APOL6: variants seen among roughly 807,000 people sequenced by gnomAD.
APOL6 encodes the protein apolipoprotein L, 6.
APOL6 carries 1 observed loss-of-function variant against 2.4 expected under a neutral mutation model. That is an observed-to-expected ratio of 0.41 (90% CI 0.15 to 1.94). The LOEUF is 1.94. APOL6 is among the 30% of genes most tolerant of loss of function. The probability of loss-of-function intolerance (pLI) is 0.30; values close to 1 mark genes in which losing one functional copy is unlikely to be tolerated. For missense variants in APOL6, 438 were observed against 429.2 expected (o/e 1.02, Z -0.18); for synonymous variants, 189 against 169.3 (o/e 1.12, Z -0.90).
intron 1 of APOL6, among the ~76,000 whole-genome samples, chr22:35,654,401 G>A (rs989435220): frequency 1.3e-5 from 2 of 151,904 alleles, no homozygotes; most frequent in South Asian, 2.1e-4. Context: ...ACATAAACTC[G>A]GGTGTGGCTA....
chr22:35,652,332 T>G (rs187065790), intron 1 of APOL6, among the ~76,000 whole-genome samples: 8,582 of 151,820 alleles, frequency 0.057, 833 homozygotes, highest in African/African-American at 0.2. Context: ...AAAAATTTTC[T>G]CCCATTCTGT....
chr22:35,659,561 T>G lies in APOL6; in HGVS notation c.997T>G (p.Cys333Gly), dbSNP rs756351017. The change falls in exon 3 of 3, where the codon TGT becomes GGT. Residue 333 changes from cysteine to glycine, a missense_variant. By Grantham distance (159) the Cys-to-Gly change is radical (BLOSUM62 -3). Transcript: ENST00000409652. ...HVWMWLWLCV[C>G]LCVCVYVQFT ...GTGGATGTGGCTGTGGCTGTGTGTG[T>G]GTCTGTGTGTCTGTGTGTATGTACA... 9.6e-5 allele frequency: 155 copies of G among 1,612,492 alleles called. No individual in the cohort carries two copies. The highest frequency in any genetic ancestry group is 1.3e-4 in the Non-Finnish European group (151 of 1,179,210).
intron 1 of APOL6, among the ~76,000 whole-genome samples, chr22:35,651,534 C>T (rs566709833): frequency 6.6e-6 from 1 of 152,266 alleles, no homozygotes; most frequent in Non-Finnish European, 1.5e-5. Context: ...ACTCCTAATG[C>T]TATCCCTCCC....
chr22:35,652,672 GT>G, intron 1 of APOL6, among the ~76,000 whole-genome samples: 1 of 152,108 alleles, frequency 6.6e-6, no homozygotes. Flanking sequence ...CCCATTTCTT[GT>G]TTTTGTCAGG....
rs1250097200 is a variant in APOL6, at chr22:35,656,406, A to G, written c.-20A>G. 6.2e-7 allele frequency: 1 copy of G among 1,614,084 alleles called. No homozygotes were observed. Among genetic ancestry groups the G allele is most frequent in the Non-Finnish European group, 8.5e-7 (1 of 1,179,956 alleles). Reference sequence around the variant, plus strand: ...AATCATTTGACTCCTGGGGACACAGATTTGCTGCCACAGAGGCTGATGGAC... The same window carrying G: ...AATCATTTGACTCCTGGGGACACAGGTTTGCTGCCACAGAGGCTGATGGAC... On this transcript the variant is annotated 5_prime_UTR_variant, in exon 2 of 3. Transcript: ENST00000409652.
chr22:35,654,390 A>G (rs1457577492), intron 1 of APOL6, among the ~76,000 whole-genome samples: 1 of 152,098 alleles, frequency 6.6e-6, no homozygotes, highest in Non-Finnish European at 1.5e-5. Flanking sequence ...TCACCTCATT[A>G]ACATAAACTC....
rs1925019171 is a variant in APOL6 at position 35,661,303 on chromosome 22, AGCCAAGATCAT to A, written c.*1712_*1722del. ...AACCCAGGCTGTAAAGGTTGCAGTG[AGCCAAGATCAT>A]GCCACTGCACTCCAGTCTGGGTGTC... On this transcript the variant is annotated 3_prime_UTR_variant, in exon 3 of 3. Coordinates refer to ENST00000409652, the MANE Select transcript of APOL6 (RefSeq NM_030641.4). 6.8e-6 allele frequency: 1 copy of A among 146,342 alleles called. No individual in the cohort carries two copies. Among genetic ancestry groups the A allele is most frequent in the South Asian group, 2.2e-4 (1 of 4,510 alleles). 9.1% of individuals were successfully genotyped at this position (146,342 alleles called of 1,614,324 possible). A position where few individuals can be genotyped will look rare whatever the true frequency, so the allele number is the denominator to read the frequency against.
At chr22:35,651,511 A>C (rs1924693601) in intron 1 of APOL6, among the ~76,000 whole-genome samples, 1 of 152,130 alleles carries the variant, frequency 6.6e-6, no homozygotes, top group Admixed American at 6.5e-5. Flanking sequence ...CTCATCATTT[A>C]ACATTAGGTA....
rs2145963524 is a variant in APOL6, at chr22:35,666,077, C to T, written c.*6481C>T. On this transcript the variant is annotated 3_prime_UTR_variant, in exon 3 of 3. Coordinates refer to ENST00000409652, the MANE Select transcript of APOL6 (RefSeq NM_030641.4). ...ATAAATATGTTATTGGTGTATGTTC[C>T]AAAATTATGTGAAACTCCTATAATT... is the stretch of plus-strand genomic sequence containing the variant. 6.6e-6 allele frequency: 1 copy of T among 152,090 alleles called. No individual in the cohort carries two copies. The highest frequency in any genetic ancestry group is 6.5e-5 in the Admixed American group (1 of 15,272). 9.4% of individuals were successfully genotyped at this position (152,090 alleles called of 1,614,324 possible).
intron 1 of APOL6, among the ~76,000 whole-genome samples, chr22:35,651,541 T>G (rs1351122441): frequency 6.6e-6 from 1 of 151,944 alleles, no homozygotes; most frequent in Admixed American, 6.6e-5. Flanking sequence ...ATGCTATCCC[T>G]CCCCACTCCC....
chr22:35,659,352 C>A lies in APOL6; in HGVS notation c.788C>A (p.Ala263Glu), dbSNP rs1924951694. The A allele has an allele frequency of 3.7e-6, 6 of 1,613,924 alleles. No individual in the cohort carries two copies. Among genetic ancestry groups the A allele is most frequent in the Non-Finnish European group, 5.1e-6 (6 of 1,179,942 alleles). ...SKEWKHLKEG[A>E]RTKFAEELRA... is the part of the protein sequence containing the mutation. The stretch of plus-strand genomic sequence containing the variant: ...GAATGGAAGCACCTGAAGGAAGGAG[C>A]AAGGACAAAGTTTGCGGAAGAGTTG... The change falls in exon 3 of 3, where the codon GCA (alanine) becomes GAA (glutamate). Residue 263 changes from alanine to glutamate, a missense_variant. Ala to Glu is a moderately radical substitution (Grantham distance 107). Coordinates refer to ENST00000409652, the MANE Select transcript of APOL6 (RefSeq NM_030641.4).
intron 1 of APOL6, among the ~76,000 whole-genome samples, chr22:35,652,169 T>C (rs1157086384): frequency 2.0e-5 from 3 of 152,244 alleles, no homozygotes; most frequent in Non-Finnish European, 4.4e-5. Flanking sequence ...CATTTTTTCA[T>C]GTGTCTTTTG....
chr22:35,650,086 C>T (rs1924648909), intron 1 of APOL6, among the ~76,000 whole-genome samples: 1 of 152,166 alleles, frequency 6.6e-6, no homozygotes, highest in Non-Finnish European at 1.5e-5. Flanking sequence ...TCTCAGTTTG[C>T]ACCTCTGTAA....
rs1381086110 is a variant in APOL6, at chr22:35,664,570, A to G, written c.*4974A>G. On this transcript the variant is annotated 3_prime_UTR_variant, in exon 3 of 3. Coordinates refer to ENST00000409652, the MANE Select transcript of APOL6 (RefSeq NM_030641.4). ...TCACTGTCTCAGTTGTAATTTTGCA[A>G]TGGAAGTTTCATAACTTTAAATCAT... 4 of 152,224 alleles carry G rather than the reference A, an allele frequency of 2.6e-5. No individual in the cohort carries two copies. In the East Asian group the frequency reaches 5.8e-4, roughly 22 times the overall value. The allele number at this position is 152,224 out of a possible 1,614,324, so 9.4% of individuals were successfully genotyped here. A position where few individuals can be genotyped will look rare whatever the true frequency, so the allele number is the denominator to read the frequency against.
chr22:35,656,053 G>A (rs1924835409), intron 1 of APOL6, among the ~76,000 whole-genome samples: 1 of 151,998 alleles, frequency 6.6e-6, no homozygotes, highest in African/African-American at 2.4e-5. Context: ...ATAGAGGGAG[G>A]GTGGAGAACT....
Position 35,664,952 on chromosome 22 carries a change from GA to G in APOL6, c.*5359del, listed in dbSNP as rs1323239085. The G allele has an allele frequency of 6.6e-6, 1 of 151,714 alleles. No homozygotes were observed. Among genetic ancestry groups the G allele is most frequent in the Non-Finnish European group, 1.5e-5 (1 of 67,904 alleles). The allele number at this position is 151,714 out of a possible 1,614,324, so 9.4% of individuals were successfully genotyped here. Reference sequence around the variant, plus strand: ...TTTTCAAGGTTAAAAAGCTGAAAAAGAAATAATTTTATATAAGAAAGAATTT... The same window carrying G: ...TTTTCAAGGTTAAAAAGCTGAAAAAGAATAATTTTATATAAGAAAGAATTT... On this transcript the variant is annotated 3_prime_UTR_variant, in exon 3 of 3. Transcript: ENST00000409652.
In APOL6 at chr22:35,667,128, ATT is replaced by A. The variant is rs1411008317; in HGVS notation, c.*7535_*7536del. 1.3e-5 allele frequency: 2 copies of A among 152,200 alleles called. No homozygotes were observed. Among genetic ancestry groups the A allele is most frequent in the Admixed American group, 1.3e-4 (2 of 15,280 alleles). 9.4% of individuals were successfully genotyped at this position (152,200 alleles called of 1,614,324 possible). On this transcript the variant is annotated 3_prime_UTR_variant, in exon 3 of 3. Transcript: ENST00000409652. Reference sequence around the variant, plus strand: ...AAGTCCTTGGAAAAACTGGCCCCATATTTTGTGTACACAGTCTCCGTACAAGA... The same window carrying A: ...AAGTCCTTGGAAAAACTGGCCCCATATTGTGTACACAGTCTCCGTACAAGA...
chr22:35,656,435 C>G lies in APOL6; in HGVS notation c.10C>G (p.Gln4Glu). The G allele has an allele frequency of 1.2e-6, 2 of 1,614,080 alleles. No homozygotes were observed. Among genetic ancestry groups the G allele is most frequent in the Non-Finnish European group, 1.7e-6 (2 of 1,179,994 alleles). The change falls in exon 2 of 3, where the codon CAG (glutamine) becomes GAG (glutamate). Residue 4 changes from glutamine (Q) to glutamate (E), a missense_variant. Coordinates refer to ENST00000409652, the MANE Select transcript of APOL6 (RefSeq NM_030641.4). MDN[Q>E]AERESEAGVG... ...GCTGCCACAGAGGCTGATGGACAAC[C>G]AGGCGGAGAGAGAAAGTGAGGCTGG...
chr22:35,659,463 C>T lies in APOL6; in HGVS notation c.899C>T (p.Ala300Val). 1.2e-6 allele frequency: 2 copies of T among 1,613,990 alleles called. No individual in the cohort carries two copies. The highest frequency in any genetic ancestry group is 1.7e-6 in the Non-Finnish European group (2 of 1,180,004). The change falls in exon 3 of 3, where the codon GCC (alanine) becomes GTC (valine). Residue 300 changes from alanine to valine, a missense_variant. Transcript: ENST00000409652. ...KSLQQKVRSRARGVGKDLTGT... is the reference protein window; with the variant it reads ...KSLQQKVRSRVRGVGKDLTGT... Reference sequence around the variant, plus strand: ...TTGCAGCAGAAAGTGAGGTCAAGGGCCAGAGGGGTGGGGAAGGATTTAACT... The same window carrying T: ...TTGCAGCAGAAAGTGAGGTCAAGGGTCAGAGGGGTGGGGAAGGATTTAACT...
Sources: allele counts gnomAD v4.1 joint callset (sites outside exome capture counted in the v4.1 genomes callset), GRCh38; gene constraint gnomAD v4.1.1; transcripts MANE v1.5; gene names NCBI Gene and HGNC (gene_info 2026-07-23, HGNC 2026-07-21).